SIL1: variants seen among roughly 807,000 people sequenced by gnomAD.
SIL1 encodes nucleotide exchange factor SIL1.
SIL1 carries 40 observed loss-of-function variants against 49.1 expected under a neutral mutation model. That is an observed-to-expected ratio of 0.81 (90% CI 0.63 to 1.06). The LOEUF (loss-of-function observed/expected upper bound fraction) is 1.06, where lower values mean the gene tolerates loss of function less well. Ranked by LOEUF, SIL1 falls within the 50% of genes least tolerant of loss-of-function variation. SIL1 has a pLI of 0.00. For synonymous variants in SIL1, 253 were observed against 250.8 expected, an observed-to-expected ratio of 1.01 and a Z score of -0.08; for missense variants, 500 against 572.6, an observed-to-expected ratio of 0.87 and a Z score of 1.29.
chr5:139,127,061 C>T (rs1337522490), intron 2 of SIL1, among the ~76,000 whole-genome samples: 1 of 152,190 alleles, frequency 6.6e-6, no homozygotes, highest in African/African-American at 2.4e-5. Context: ...TGCAGCCAGG[C>T]CAAGCTCAGG....
intron 3 of SIL1, among the ~76,000 whole-genome samples, chr5:139,086,009 T>C (rs1770209516): frequency 6.6e-6 from 1 of 151,544 alleles, no homozygotes; most frequent in Admixed American, 6.6e-5. Context: ...ACATCTGTAA[T>C]CCCAACACTT....
chr5:139,170,938 C>T (rs10479203), intron 1 of SIL1, among the ~76,000 whole-genome samples: 17,998 of 131,592 alleles, frequency 0.14, 3,134 homozygotes, highest in African/African-American at 0.46. Context: ...CCGCCCCGTC[C>T]GGGAGGGAGG....
intron 7 of SIL1, 167 bp downstream of exon 7, chr5:139,021,004 G>A (rs1440671936): frequency 9.9e-6 from 9 of 906,290 alleles, no homozygotes; most frequent in Non-Finnish European, 1.6e-5. Context: ...GACAACATGG[G>A]TAAAAATTCC....
chr5:139,176,060 A>G (rs1751876702), intron 1 of SIL1, among the ~76,000 whole-genome samples: 1 of 152,166 alleles, frequency 6.6e-6, no homozygotes, highest in African/African-American at 2.4e-5. Flanking sequence ...CAGTGCCACA[A>G]TCACAGCTCA....
chr5:139,175,298 G>A (rs1251251349), intron 1 of SIL1, among the ~76,000 whole-genome samples: 1 of 152,206 alleles, frequency 6.6e-6, no homozygotes, highest in Admixed American at 6.5e-5. Context: ...TCCAGCCTGG[G>A]CAACAAGAGC....
intron 5 of SIL1, among the ~76,000 whole-genome samples, chr5:139,040,499 T>TTTTTTC (rs1491281290): frequency 2.1e-4 from 6 of 29,240 alleles, no homozygotes; most frequent in East Asian, 0.011. Context: ...TTCTTTTTTC[T>TTTTTTC]TTTTTTTTTT....
At chr5:139,151,613 T>C (rs1329652753) in intron 1 of SIL1, among the ~76,000 whole-genome samples, 4 of 152,164 alleles carry the variant, frequency 2.6e-5, no homozygotes, top group African/African-American at 9.7e-5. Context: ...TTTCATTAGG[T>C]AGGTACAAGG....
intron 1 of SIL1, among the ~76,000 whole-genome samples, chr5:139,128,598 A>C (rs1174222189): frequency 6.6e-6 from 1 of 151,814 alleles, no homozygotes; most frequent in Non-Finnish European, 1.5e-5. Flanking sequence ...GTAGTGATCC[A>C]TGACTGCACT....
intron 3 of SIL1, among the ~76,000 whole-genome samples, chr5:139,108,498 T>G (rs1323951819): frequency 6.6e-6 from 1 of 152,166 alleles, no homozygotes; most frequent in Non-Finnish European, 1.5e-5. Context: ...TACAAACTAT[T>G]CATGTGGCAC....
intron 7 of SIL1, among the ~76,000 whole-genome samples, chr5:138,966,657 T>C (rs1767150780): frequency 6.6e-6 from 1 of 152,054 alleles, no homozygotes; most frequent in South Asian, 2.1e-4. Context: ...CTCATCGCCA[T>C]GAGAGGAGGG....
intron 3 of SIL1, among the ~76,000 whole-genome samples, chr5:139,108,441 A>G (rs1770772080): frequency 6.6e-6 from 1 of 152,220 alleles, no homozygotes; most frequent in South Asian, 2.1e-4. Flanking sequence ...TGGGCAACAC[A>G]AACGGACACC....
At chr5:139,127,002 G>A (rs1292338165) in intron 2 of SIL1, among the ~76,000 whole-genome samples, 1 of 152,176 alleles carries the variant, frequency 6.6e-6, no homozygotes, top group Non-Finnish European at 1.5e-5. Context: ...TCAAGGGCAG[G>A]CTGTTGCTGG....
At chr5:139,143,115 A>G (rs1207271575) in intron 1 of SIL1, among the ~76,000 whole-genome samples, 1 of 151,892 alleles carries the variant, frequency 6.6e-6, no homozygotes, top group African/African-American at 2.4e-5. Context: ...AGTTCTAGCC[A>G]GAGCAATTAG....
chr5:139,164,214 A>G (rs763523943), intron 1 of SIL1, among the ~76,000 whole-genome samples: 52 of 152,126 alleles, frequency 3.4e-4, no homozygotes, highest in Admixed American at 3.1e-3. Context: ...GCCACGCAAC[A>G]TGTACATGGC....
chr5:138,962,468 T>A (rs1233339374), intron 7 of SIL1, among the ~76,000 whole-genome samples: 1 of 152,228 alleles, frequency 6.6e-6, no homozygotes, highest in Non-Finnish European at 1.5e-5. Flanking sequence ...GTTTCTGCAT[T>A]TGTAAAACAG....
intron 1 of SIL1, among the ~76,000 whole-genome samples, chr5:139,128,651 C>CAAA (rs55731110): frequency 2.4e-5 from 3 of 126,008 alleles, no homozygotes; most frequent in African/African-American, 9.5e-5. Flanking sequence ...CCCATCCCTC[C>CAAA]AAAAAAAAAA....
At chr5:139,017,662 C>T (rs747686152) in intron 7 of SIL1, among the ~76,000 whole-genome samples, 5 of 151,954 alleles carry the variant, frequency 3.3e-5, no homozygotes, top group Non-Finnish European at 5.9e-5. Context: ...CTGACGGTTA[C>T]GAGGTAAAGG....
chr5:139,046,682 A>G (rs1458482823), intron 4 of SIL1, among the ~76,000 whole-genome samples: 1 of 152,188 alleles, frequency 6.6e-6, no homozygotes, highest in Non-Finnish European at 1.5e-5. Context: ...AATAAGGACT[A>G]GTGGTAAAAC....
chr5:139,092,685 A>G (rs1163494323), intron 3 of SIL1, among the ~76,000 whole-genome samples: 1 of 152,248 alleles, frequency 6.6e-6, no homozygotes, highest in Non-Finnish European at 1.5e-5. Context: ...CATGAAAACA[A>G]CAGGAGATGG....
Sources: gnomAD v4.1 joint callset for allele counts (sites outside exome capture counted in the v4.1 genomes callset) on GRCh38, gnomAD v4.1.1 for gene constraint, MANE v1.5 for transcripts, NCBI Gene and HGNC (gene_info 2026-07-23, HGNC 2026-07-21) for gene names.